Variants in MINDY4 observed in about 807,000 individuals in gnomAD.
The protein encoded by MINDY4 is probable ubiquitin carboxyl-terminal hydrolase MINDY-4.
MINDY4 carries 68 observed loss-of-function variants against 87.0 expected under a neutral mutation model. The ratio of observed to expected loss-of-function variants is 0.78; its 90% CI spans 0.64 to 0.96. The LOEUF (loss-of-function observed/expected upper bound fraction) is 0.96. Ranked by LOEUF, MINDY4 falls within the 40% of genes least tolerant of loss-of-function variation. MINDY4 has a pLI of 0.00. For missense variants in MINDY4, 919 were observed against 928.2 expected, an observed-to-expected ratio of 0.99 and a Z score of 0.13; for synonymous variants, 379 against 363.2, an observed-to-expected ratio of 1.04 and a Z score of -0.50.
chr7:30,868,660 C>T (rs991832435), intron 13 of MINDY4, among the ~76,000 whole-genome samples: 3 of 152,238 alleles, frequency 2.0e-5, no homozygotes, highest in African/African-American at 7.2e-5. Context: ...GCAAACTCTC[C>T]CAGCCCTGAT....
intron 6 of MINDY4, among the ~76,000 whole-genome samples, chr7:30,831,635 C>A (rs1483901050): frequency 6.6e-6 from 1 of 152,054 alleles, no homozygotes; most frequent in Admixed American, 6.6e-5. Flanking sequence ...TTTATTGAAA[C>A]TGAAGCCAGG....
intron 5 of MINDY4, among the ~76,000 whole-genome samples, chr7:30,805,313 T>C (rs1055000887): frequency 5.3e-5 from 8 of 152,084 alleles, no homozygotes; most frequent in Non-Finnish European, 1.2e-4. Flanking sequence ...TAGGGGCACC[T>C]GAAGGGGAGG....
At chr7:30,799,476 A>G (rs1056421832) in intron 5 of MINDY4, among the ~76,000 whole-genome samples, 1 of 152,366 alleles carries the variant, frequency 6.6e-6, no homozygotes, top group East Asian at 1.9e-4. Context: ...TCCTGGCTGC[A>G]GCATTTTGAG....
chr7:30,786,930 G>C (rs757092029), intron 4 of MINDY4, among the ~76,000 whole-genome samples: 1 of 152,168 alleles, frequency 6.6e-6, no homozygotes. Context: ...TCAAAGTGCC[G>C]TATCAGTCAA....
Position 30,778,545 on chromosome 7 carries a change from G to A in MINDY4, c.177G>A (p.Glu59=). ...KVLHLEFLYK[E]NKAKENPLKT... ...TGCATCTTGAATTTCTCTATAAGGAGAACAAGGTATGTGCTTTCTAAGGTG... is the reference window on the plus strand; with the variant it reads ...TGCATCTTGAATTTCTCTATAAGGAAAACAAGGTATGTGCTTTCTAAGGTG... The change falls in exon 2 of 18, where the codon GAG becomes GAA. Residue 59 remains glutamate, a synonymous_variant. Transcript: ENST00000265299. 3 of 1,614,222 alleles carry A rather than the reference G, an allele frequency of 1.9e-6. No individual in the cohort carries two copies. The highest frequency in any genetic ancestry group is 2.7e-5 in the African/African-American group (2 of 75,070).
chr7:30,827,622 TGAGGAGGACACATGGAG>T (rs1788552165), intron 5 of MINDY4, among the ~76,000 whole-genome samples: 1 of 152,108 alleles, frequency 6.6e-6, no homozygotes, highest in African/African-American at 2.4e-5. Flanking sequence ...TTGACTGAGT[TGAGGAGGACACATGGAG>T]GATGAGGACT....
chr7:30,891,514 A>T (rs952443883), intron 17 of MINDY4, among the ~76,000 whole-genome samples: 1 of 152,204 alleles, frequency 6.6e-6, no homozygotes, highest in Non-Finnish European at 1.5e-5. Context: ...AGTTCCTGCC[A>T]GCTTCCCGGC....
intron 1 of MINDY4, among the ~76,000 whole-genome samples, chr7:30,771,964 C>G (rs991431735): frequency 6.6e-6 from 1 of 151,748 alleles, no homozygotes; most frequent in South Asian, 2.1e-4. Flanking sequence ...GAAAGAACTT[C>G]TCCCAGAGGG....
intron 13 of MINDY4, among the ~76,000 whole-genome samples, chr7:30,869,672 A>G (rs1326197816): frequency 6.6e-6 from 1 of 152,106 alleles, no homozygotes; most frequent in Non-Finnish European, 1.5e-5. Context: ...GGCCTACCCT[A>G]ATGGCCTCAT....
intron 9 of MINDY4, among the ~76,000 whole-genome samples, chr7:30,841,375 A>G (rs1789032913): frequency 6.6e-6 from 1 of 152,270 alleles, no homozygotes; most frequent in Non-Finnish European, 1.5e-5. Flanking sequence ...ATCTCTGTGC[A>G]GGCACAAATG....
intron 8 of MINDY4, among the ~76,000 whole-genome samples, chr7:30,839,911 T>C (rs1788982388): frequency 1.3e-5 from 2 of 152,072 alleles, no homozygotes; most frequent in South Asian, 4.2e-4. Flanking sequence ...GAAAATAAGC[T>C]AAACCCAGGA....
chr7:30,867,573 G>A (rs1392950109), intron 13 of MINDY4, among the ~76,000 whole-genome samples: 1 of 152,162 alleles, frequency 6.6e-6, no homozygotes, highest in Non-Finnish European at 1.5e-5. Context: ...ATTTGACCAG[G>A]GCCCTCTGAC....
Position 30,782,120 on chromosome 7 carries a change from A to G in MINDY4, c.327A>G (p.Ser109=). The G allele has an allele frequency of 6.2e-7, 1 of 1,614,096 alleles. No homozygotes were observed. The highest frequency in any genetic ancestry group is 8.5e-7 in the Non-Finnish European group (1 of 1,180,022). Reference sequence around the variant, plus strand: ...CAAAGAAAAATAACAAAGTGCCATCAAGATGCTCAGAGACTACACTGGTAA... The same window carrying G: ...CAAAGAAAAATAACAAAGTGCCATCGAGATGCTCAGAGACTACACTGGTAA... ...SVPKKNNKVP[S]RCSETTLVNI... is the part of the protein sequence containing the mutation. Residue 109 remains serine (S), a synonymous_variant, in exon 3 of 18, where the codon TCA becomes TCG. Transcript: ENST00000265299.
rs55701130 is a variant in MINDY4 at position 30,781,961 on chromosome 7, T to A, written c.184-16T>A. The stretch of plus-strand genomic sequence containing the variant: ...TGTATATAAATTAATGATTTTTTTT[T>A]CTCTCCCAATGATAGGCAAAGGAAA... On this transcript the variant is annotated splice_polypyrimidine_tract_variant and intron_variant, in intron 2 of 17. Coordinates refer to ENST00000265299, the MANE Select transcript of MINDY4 (RefSeq NM_032222.3). 120 of 1,565,808 alleles carry A rather than the reference T, an allele frequency of 7.7e-5. No homozygotes were observed. The African/African-American group carries it at 1.5e-3, about 20-fold the overall frequency.
At chr7:30,864,654 C>T (rs773514430) in intron 13 of MINDY4, among the ~76,000 whole-genome samples, 7 of 152,262 alleles carry the variant, frequency 4.6e-5, no homozygotes, top group Non-Finnish European at 8.8e-5. Flanking sequence ...CGTGGCCAGG[C>T]CTGGGCTGCA....
intron 1 of MINDY4, among the ~76,000 whole-genome samples, chr7:30,777,418 G>A (rs1216594494): frequency 6.6e-6 from 1 of 152,150 alleles, no homozygotes; most frequent in African/African-American, 2.4e-5. Context: ...GACTCTTCCC[G>A]ATGCACCTAA....
Position 30,782,047 on chromosome 7 carries a change from C to T in MINDY4, c.254C>T (p.Thr85Met), listed in dbSNP as rs756260993. ...TRYFLDHFGN[T>M]ANNFTQDTPI... ...TACTTTCTGGATCACTTTGGAAATACGGCTAACAATTTCACTCAAGATACC... is the reference window on the plus strand; with the variant it reads ...TACTTTCTGGATCACTTTGGAAATATGGCTAACAATTTCACTCAAGATACC... The change falls in exon 3 of 18, where the codon ACG (threonine) becomes ATG (methionine). Residue 85 changes from threonine to methionine, a missense_variant. Thr to Met is a moderately conservative substitution (Grantham distance 81, BLOSUM62 -1). Transcript: ENST00000265299. The T allele has an allele frequency of 1.4e-5, 23 of 1,613,900 alleles. No homozygotes were observed. Among genetic ancestry groups the T allele is most frequent in the East Asian group, 1.3e-4 (6 of 44,876 alleles).
chr7:30,841,151 C>T (rs1789022432), intron 9 of MINDY4, among the ~76,000 whole-genome samples: 1 of 152,206 alleles, frequency 6.6e-6, no homozygotes, highest in South Asian at 2.1e-4. Flanking sequence ...ATCCCTTCCA[C>T]CCACCAGGTC....
intron 15 of MINDY4, among the ~76,000 whole-genome samples, chr7:30,877,679 TCTTC>T (rs1187499974): frequency 2.7e-4 from 34 of 126,268 alleles, no homozygotes; most frequent in African/African-American, 7.8e-4. Context: ...TTCTTCTTCT[TCTTC>T]TTTTTTTTTT....
Sources: gnomAD v4.1 joint callset for allele counts (sites outside exome capture counted in the v4.1 genomes callset) on GRCh38, gnomAD v4.1.1 for gene constraint, MANE v1.5 for transcripts, NCBI Gene and HGNC (gene_info 2026-07-23, HGNC 2026-07-21) for gene names.